NALF1: variants seen among roughly 807,000 people sequenced by gnomAD.
NALF1 encodes the protein NALCN channel auxiliary factor 1.
NALF1 carries 3 observed loss-of-function variants against 48.4 expected under a neutral mutation model. The ratio of observed to expected loss-of-function variants is 0.06; its 90% CI spans 0.03 to 0.16. The LOEUF is 0.16. Among genes scored for constraint, NALF1 ranks in the 10% least tolerant of loss-of-function variants. NALF1 has a pLI of 1.00. For missense variants in NALF1, 526 were observed against 571.5 expected, an observed-to-expected ratio of 0.92 and a Z score of 0.81; for synonymous variants, 262 against 245.7, an observed-to-expected ratio of 1.07 and a Z score of -0.62.
chr13:107,601,789 G>A (rs947665442), intron 1 of NALF1, among the ~76,000 whole-genome samples: 2 of 151,800 alleles, frequency 1.3e-5, no homozygotes, highest in Non-Finnish European at 2.9e-5. Context: ...GGAAAAAGGT[G>A]GAAATAGAGT....
chr13:107,350,241 A>T (rs1882849657), intron 1 of NALF1, among the ~76,000 whole-genome samples: 2 of 152,174 alleles, frequency 1.3e-5, no homozygotes, highest in Non-Finnish European at 2.9e-5. Context: ...AATCAAGACA[A>T]ATTCAGTTAC....
chr13:107,506,214 T>C (rs760429255), intron 1 of NALF1, among the ~76,000 whole-genome samples: 3 of 152,150 alleles, frequency 2.0e-5, no homozygotes, highest in Non-Finnish European at 1.5e-5. Context: ...TATGAGAAAT[T>C]AAAGATTTCA....
At chr13:107,522,750 T>A (rs2139097931) in intron 1 of NALF1, among the ~76,000 whole-genome samples, 1 of 152,070 alleles carries the variant, frequency 6.6e-6, no homozygotes, top group South Asian at 2.1e-4. Flanking sequence ...ATTACAGGTA[T>A]GTGACACCAT....
At chr13:107,420,375 A>G (rs910704274) in intron 1 of NALF1, among the ~76,000 whole-genome samples, 1 of 152,216 alleles carries the variant, frequency 6.6e-6, no homozygotes, top group Non-Finnish European at 1.5e-5. Flanking sequence ...AGAGGAAAAT[A>G]AACTAATAAA....
At chr13:107,710,779 G>A (rs1211451374) in intron 1 of NALF1, among the ~76,000 whole-genome samples, 1 of 45,442 alleles carries the variant, frequency 2.2e-5, no homozygotes, top group African/African-American at 5.7e-5. Flanking sequence ...ACACATATGT[G>A]TGTATATACA....
At chr13:107,518,324 A>C (rs1876128340) in intron 1 of NALF1, among the ~76,000 whole-genome samples, 1 of 152,260 alleles carries the variant, frequency 6.6e-6, no homozygotes, top group East Asian at 1.9e-4. Context: ...TGCTTTCTTA[A>C]TTGTTCACAT....
chr13:107,559,018 A>G (rs1028761668), intron 1 of NALF1, among the ~76,000 whole-genome samples: 1 of 152,138 alleles, frequency 6.6e-6, no homozygotes, highest in African/African-American at 2.4e-5. Flanking sequence ...CCCTGCAGGG[A>G]CCAGATCGTG....
chr13:107,453,394 T>C (rs1884774578), intron 1 of NALF1, among the ~76,000 whole-genome samples: 1 of 152,164 alleles, frequency 6.6e-6, no homozygotes, highest in South Asian at 2.1e-4. Flanking sequence ...TAACACCACA[T>C]GGAAGCCATC....
At chr13:107,676,335 T>C (rs74112537) in intron 1 of NALF1, among the ~76,000 whole-genome samples, 4,753 of 152,258 alleles carry the variant, frequency 0.031, 168 homozygotes, top group African/African-American at 0.087. Context: ...AATTCCTGTG[T>C]GAAGATTTGA....
At chr13:107,580,465 T>C (rs368799102) in intron 1 of NALF1, among the ~76,000 whole-genome samples, 1 of 152,154 alleles carries the variant, frequency 6.6e-6, no homozygotes, top group Non-Finnish European at 1.5e-5. Context: ...CAATGGCACC[T>C]CTCCCACAGG....
intron 1 of NALF1, among the ~76,000 whole-genome samples, chr13:107,229,533 C>A (rs946881557): frequency 2.0e-5 from 3 of 152,068 alleles, no homozygotes; most frequent in Non-Finnish European, 2.9e-5. Context: ...AGCTGCTAAC[C>A]TTTCCATAGC....
intron 1 of NALF1, among the ~76,000 whole-genome samples, chr13:107,637,241 TTG>T (rs1246972523): frequency 1.3e-4 from 17 of 134,610 alleles, no homozygotes; most frequent in South Asian, 2.6e-4. Flanking sequence ...ATTGTATTTG[TTG>T]TGTGTGTGTG....
At chr13:107,453,347 C>A (rs1884773597) in intron 1 of NALF1, among the ~76,000 whole-genome samples, 1 of 152,218 alleles carries the variant, frequency 6.6e-6, no homozygotes, top group African/African-American at 2.4e-5. Context: ...CAGAGGTTCC[C>A]AAACCTCAAT....
At chr13:107,601,246 G>T (rs1388024818) in intron 1 of NALF1, among the ~76,000 whole-genome samples, 1 of 152,176 alleles carries the variant, frequency 6.6e-6, no homozygotes, top group Non-Finnish European at 1.5e-5. Flanking sequence ...GGGGAACTGA[G>T]CTGAGACTGT....
intron 1 of NALF1, among the ~76,000 whole-genome samples, chr13:107,488,889 C>T (rs1885371676): frequency 6.6e-6 from 1 of 152,076 alleles, no homozygotes; most frequent in South Asian, 2.1e-4. Flanking sequence ...TGTCTCAGCC[C>T]AAAAGCTTCT....
chr13:107,590,964 T>C (rs572199322), intron 1 of NALF1, among the ~76,000 whole-genome samples: 104 of 152,128 alleles, frequency 6.8e-4, no homozygotes, highest in Middle Eastern at 3.4e-3. Flanking sequence ...GGTAGGATTG[T>C]TTGTAAGCAT....
chr13:107,866,718 CCTCTCTCT>C lies in NALF1; in HGVS notation c.-130_-123del, dbSNP rs35028871. On this transcript the variant is annotated 5_prime_UTR_variant, in exon 1 of 3. Coordinates refer to ENST00000375915, the MANE Select transcript of NALF1 (RefSeq NM_001080396.3). This position sits in a 1 kb window ranked among gnomAD's most constrained non-coding sequence, Gnocchi z 4.4. The stretch of plus-strand genomic sequence containing the variant: ...TCCCCTCCTCCCGTTTCTTCTCTCT[CCTCTCTCT>C]CTTTCTCTCTCTTCCCCTCTCCCTC... 1.4e-6 allele frequency: 1 copy of C among 700,762 alleles called. No homozygotes were observed. The highest frequency in any genetic ancestry group is 2.4e-6 in the Non-Finnish European group (1 of 420,654). 43.4% of individuals were successfully genotyped at this position (700,762 alleles called of 1,614,324 possible).
intron 1 of NALF1, among the ~76,000 whole-genome samples, chr13:107,860,126 A>G (rs1446321054): frequency 6.6e-6 from 1 of 152,088 alleles, no homozygotes; most frequent in Non-Finnish European, 1.5e-5. Context: ...TGCCTGACAC[A>G]ACCTTAAACA....
At chr13:107,397,790 G>A (rs2138988489) in intron 1 of NALF1, among the ~76,000 whole-genome samples, 1 of 152,166 alleles carries the variant, frequency 6.6e-6, no homozygotes, top group East Asian at 1.9e-4. Context: ...TCATTAAAAG[G>A]AGGGGAATAA....
Sources: allele counts gnomAD v4.1 joint callset (sites outside exome capture counted in the v4.1 genomes callset), GRCh38; gene constraint gnomAD v4.1.1; non-coding constraint Gnocchi (gnomAD v3.1); transcripts MANE v1.5; gene names NCBI Gene and HGNC (gene_info 2026-07-23, HGNC 2026-07-21).